Variants in SLC24A2 observed in about 807,000 individuals in gnomAD.
SLC24A2 encodes the protein solute carrier family 24 member 2.
A neutral mutation model predicts 62.0 loss-of-function variants in SLC24A2; 36 were observed. The observed-to-expected ratio is 0.58, with a 90% CI of 0.44 to 0.77. The LOEUF is 0.77. SLC24A2 is among the 30% of genes least tolerant of loss of function. The pLI is 0.00. For synonymous variants in SLC24A2, 358 were observed against 294.0 expected, an observed-to-expected ratio of 1.22 and a Z score of -2.23; for missense variants, 846 against 817.9, an observed-to-expected ratio of 1.03 and a Z score of -0.42.
At chr9:20,221,458 T>C in the SLC24A2 span, among the ~76,000 whole-genome samples, 6 of 151,968 alleles carry the variant, frequency 3.9e-5, no homozygotes, top group African/African-American at 7.2e-5. Flanking sequence ...ACAAGACTTG[T>C]TTTGAATGAT....
chr9:19,587,655 CTT>C (rs60056157), intron 5 of SLC24A2, among the ~76,000 whole-genome samples: 1 of 147,064 alleles, frequency 6.8e-6, no homozygotes, highest in Admixed American at 6.8e-5. Flanking sequence ...AAATTCCCAC[CTT>C]TTTTTTTTTA....
chr9:20,192,331 T>C, the SLC24A2 span, among the ~76,000 whole-genome samples: 1 of 152,116 alleles, frequency 6.6e-6, no homozygotes, highest in Non-Finnish European at 1.5e-5. Context: ...CACTAAAGAC[T>C]ATTTTGTAGA....
chr9:19,935,159 G>A, the SLC24A2 span, among the ~76,000 whole-genome samples: 1 of 151,634 alleles, frequency 6.6e-6, no homozygotes, highest in Non-Finnish European at 1.5e-5. Context: ...CATCACTTGG[G>A]TTGCTTGTGA....
chr9:20,211,145 G>A, the SLC24A2 span, among the ~76,000 whole-genome samples: 1 of 151,844 alleles, frequency 6.6e-6, no homozygotes, highest in African/African-American at 2.4e-5. Context: ...ATAAGCATTT[G>A]CTATCCTGAT....
At chr9:19,945,337 A>G in the SLC24A2 span, among the ~76,000 whole-genome samples, 1 of 152,096 alleles carries the variant, frequency 6.6e-6, no homozygotes, top group Admixed American at 6.5e-5. Context: ...GGGGAGAGAG[A>G]GAACATAAAA....
At chr9:19,790,082 G>A (rs1011870728), upstream of SLC24A2, among the ~76,000 whole-genome samples, 4 of 151,046 alleles carry the variant, frequency 2.6e-5, no homozygotes, top group African/African-American at 9.9e-5. Context: ...TCAAAGCCAG[G>A]CATTCAAGAC....
chr9:19,612,593 C>G (rs1273975763), intron 4 of SLC24A2, among the ~76,000 whole-genome samples: 1 of 152,198 alleles, frequency 6.6e-6, no homozygotes, highest in Admixed American at 6.5e-5. Flanking sequence ...CAAGGTCACA[C>G]ACCTAGTGAA....
chr9:20,270,915 G>A, the SLC24A2 span, among the ~76,000 whole-genome samples: 2,143 of 152,264 alleles, frequency 0.014, 27 homozygotes, highest in South Asian at 0.024. Flanking sequence ...GGGGCACAGA[G>A]GGAAGAACTT....
the SLC24A2 span, among the ~76,000 whole-genome samples, chr9:20,010,420 A>G: frequency 6.6e-6 from 1 of 152,190 alleles, no homozygotes; most frequent in African/African-American, 2.4e-5. Context: ...AAGATCTATA[A>G]AATGGCTGAC....
At chr9:19,629,252 T>G (rs556391545) in intron 2 of SLC24A2, among the ~76,000 whole-genome samples, 1 of 152,168 alleles carries the variant, frequency 6.6e-6, no homozygotes, top group Non-Finnish European at 1.5e-5. Context: ...AGTGGCATTT[T>G]CCTTGCAGTG....
At chr9:20,113,486 T>C in the SLC24A2 span, among the ~76,000 whole-genome samples, 1 of 152,208 alleles carries the variant, frequency 6.6e-6, no homozygotes, top group Admixed American at 6.6e-5. Context: ...TAAAAGTAGA[T>C]TGCCAGATAA....
At chr9:19,734,978 A>C (rs1470359365) in intron 2 of SLC24A2, among the ~76,000 whole-genome samples, 3 of 152,146 alleles carry the variant, frequency 2.0e-5, no homozygotes, top group Non-Finnish European at 2.9e-5. Flanking sequence ...AAACACCAAA[A>C]GCAATGGCAA....
chr9:19,709,047 A>G (rs1377175072), intron 2 of SLC24A2, among the ~76,000 whole-genome samples: 4 of 152,214 alleles, frequency 2.6e-5, no homozygotes, highest in Admixed American at 6.5e-5. Context: ...ATGAACTCAA[A>G]CAAATTTACA....
At chr9:19,595,249 T>C (rs1836674017) in intron 5 of SLC24A2, among the ~76,000 whole-genome samples, 1 of 152,230 alleles carries the variant, frequency 6.6e-6, no homozygotes, top group South Asian at 2.1e-4. Flanking sequence ...GCTCTCCCAC[T>C]TATTTATGGA....
chr9:19,851,305 G>T, the SLC24A2 span, among the ~76,000 whole-genome samples: 6 of 151,626 alleles, frequency 4.0e-5, no homozygotes, highest in Non-Finnish European at 8.8e-5. Context: ...GATTACAGGT[G>T]TGAGCTACTG....
Position 19,550,089 on chromosome 9 carries a change from T to C in SLC24A2, c.1479+48A>G, listed in dbSNP as rs201875558. 3,288 of 1,591,242 alleles carry C rather than the reference T, an allele frequency of 2.1e-3. 22 individuals carry two copies. The highest frequency in any genetic ancestry group is 1.9e-3 in the Non-Finnish European group (2,225 of 1,160,440). Reference sequence around the variant, plus strand: ...CTGAAGCAGACTATGCACCCTGTTATGTACCATATGTTTTACAAGGGAACT... The same window carrying C: ...CTGAAGCAGACTATGCACCCTGTTACGTACCATATGTTTTACAAGGGAACT... On this transcript the variant is annotated intron_variant, in intron 8 of 10. Coordinates refer to ENST00000341998, the MANE Select transcript of SLC24A2 (RefSeq NM_020344.4).
the SLC24A2 span, among the ~76,000 whole-genome samples, chr9:19,975,283 T>C: frequency 1.3e-5 from 2 of 152,224 alleles, no homozygotes; most frequent in African/African-American, 2.4e-5. Context: ...ACTGACTATA[T>C]ATTCTGATGT....
At position 19,511,153 on chromosome 9, in the gene SLC24A2, G is replaced by C. The variant is rs929424176; in HGVS notation, c.*5000C>G. ...CAACCTGCGCAGGTCCAAAGCTCCT[G>C]GTGAAAAAGGAATATTGCCATGGTG... On this transcript the variant is annotated 3_prime_UTR_variant, in exon 11 of 11. Coordinates refer to ENST00000341998, the MANE Select transcript of SLC24A2 (RefSeq NM_020344.4). 9.2e-5 allele frequency: 14 copies of C among 152,072 alleles called. No homozygotes were observed. The highest frequency in any genetic ancestry group is 2.9e-4 in the African/African-American group (12 of 41,394). The allele number at this position is 152,072 out of a possible 1,614,324, so 9.4% of individuals were successfully genotyped here. A position where few individuals can be genotyped will look rare whatever the true frequency, so the allele number is the denominator to read the frequency against.
chr9:19,986,852 T>C, the SLC24A2 span, among the ~76,000 whole-genome samples: 1 of 152,114 alleles, frequency 6.6e-6, no homozygotes, highest in Non-Finnish European at 1.5e-5. Context: ...TGTGTTGGAA[T>C]TAGATAGAGG....
Sources: allele counts gnomAD v4.1 joint callset (sites outside exome capture counted in the v4.1 genomes callset), GRCh38; gene constraint gnomAD v4.1.1; transcripts MANE v1.5; gene names NCBI Gene and HGNC (gene_info 2026-07-23, HGNC 2026-07-21).